The following SGCZ variants were observed in gnomAD, a reference collection of about 807,000 sequenced individuals.
SGCZ encodes the protein zeta-sarcoglycan.
A neutral mutation model predicts 41.3 loss-of-function variants in SGCZ; 40 were observed. The observed-to-expected ratio is 0.97, with a 90% confidence interval of 0.75 to 1.26. The LOEUF (loss-of-function observed/expected upper bound fraction) is 1.26, where lower values mean the gene tolerates loss of function less well. Among genes scored for constraint, SGCZ ranks in the 50% most tolerant of loss-of-function variants. SGCZ has a pLI of 0.00. For synonymous variants in SGCZ, 206 were observed against 137.5 expected, an observed-to-expected ratio of 1.50 and a Z score of -3.49; for missense variants, 552 against 369.8, an observed-to-expected ratio of 1.49 and a Z score of -4.04.
Position 14,807,571 on chromosome 8 carries a change from A to T in SGCZ, c.40-252645T>A, listed in dbSNP as rs563588318. Among the ~76,000 whole-genome samples, 787 of 151,972 alleles carry T rather than the reference A, an allele frequency of 5.2e-3. 7 individuals carry two copies. The highest frequency in any genetic ancestry group is 0.018 in the African/African-American group (764 of 41,462). ...GAGAACTACAAACCACTGCTCAAGG[A>T]AATAAAAGAGGATACAAACAAATGG... On this transcript the variant is annotated intron_variant, in intron 1 of 7. Transcript: ENST00000382080.
At chr8:14,709,688 A>T (rs1221963455) in intron 1 of SGCZ, among the ~76,000 whole-genome samples, 6 of 152,240 alleles carry the variant, frequency 3.9e-5, no homozygotes, top group Non-Finnish European at 8.8e-5. Flanking sequence ...AAAATGAAAA[A>T]AAAAAGACAA....
intron 3 of SGCZ, among the ~76,000 whole-genome samples, chr8:14,293,606 T>A (rs1483162143): frequency 1.3e-5 from 2 of 151,872 alleles, no homozygotes; most frequent in East Asian, 1.9e-4. Context: ...AAATGTAAGC[T>A]CAAAAATTCT....
intron 1 of SGCZ, among the ~76,000 whole-genome samples, chr8:15,172,248 G>A (rs1191749976): frequency 7.7e-6 from 1 of 130,114 alleles, no homozygotes; most frequent in Non-Finnish European, 1.5e-5. Flanking sequence ...TGCAAGCTCC[G>A]CCTCCCGGGT....
At chr8:14,515,553 A>G (rs560896112) in intron 2 of SGCZ, among the ~76,000 whole-genome samples, 1 of 151,214 alleles carries the variant, frequency 6.6e-6, no homozygotes, top group African/African-American at 2.5e-5. Context: ...AATAGATGTA[A>G]TTTGTCTTGT....
chr8:15,142,755 G>A (rs1238982515), intron 1 of SGCZ, among the ~76,000 whole-genome samples: 2 of 151,146 alleles, frequency 1.3e-5, no homozygotes, highest in Non-Finnish European at 2.9e-5. Context: ...GGGCCTACAG[G>A]CACACATCAC....
At chr8:14,544,882 A>G (rs949828899) in intron 2 of SGCZ, among the ~76,000 whole-genome samples, 1 of 152,126 alleles carries the variant, frequency 6.6e-6, no homozygotes, top group Non-Finnish European at 1.5e-5. Flanking sequence ...CCTCAGAAGC[A>G]TGTGATCTTT....
chr8:14,390,902 C>T (rs1032877358), intron 2 of SGCZ, among the ~76,000 whole-genome samples: 1 of 151,942 alleles, frequency 6.6e-6, no homozygotes, highest in African/African-American at 2.4e-5. Context: ...ACTTTGACAC[C>T]ACTCATGAGA....
At chr8:14,119,724 G>C (rs1802639442) in intron 5 of SGCZ, among the ~76,000 whole-genome samples, 1 of 152,214 alleles carries the variant, frequency 6.6e-6, no homozygotes, top group East Asian at 1.9e-4. Context: ...TTATTATTTT[G>C]AGATACATTC....
intron 1 of SGCZ, among the ~76,000 whole-genome samples, chr8:15,185,902 A>G (rs1800316586): frequency 6.6e-6 from 1 of 151,990 alleles, no homozygotes; most frequent in Non-Finnish European, 1.5e-5. Context: ...AGCAAAGTCC[A>G]AAATAATACT....
chr8:14,905,236 A>G (rs187548085), intron 1 of SGCZ, among the ~76,000 whole-genome samples: 484 of 152,202 alleles, frequency 3.2e-3, no homozygotes, highest in Non-Finnish European at 5.9e-3. Context: ...TCAAAAAATA[A>G]TCTGGAATCT....
At chr8:15,095,827 A>C (rs1806327202) in intron 1 of SGCZ, among the ~76,000 whole-genome samples, 1 of 152,124 alleles carries the variant, frequency 6.6e-6, no homozygotes, top group Admixed American at 6.6e-5. Flanking sequence ...TATTCCTATA[A>C]ATTCAACAAG....
At chr8:14,143,487 A>G (rs1407659959) in intron 5 of SGCZ, among the ~76,000 whole-genome samples, 1 of 152,248 alleles carries the variant, frequency 6.6e-6, no homozygotes, top group Admixed American at 6.5e-5. Context: ...GTCAGAGGAT[A>G]TAAGAACACA....
At chr8:15,215,641 T>C (rs1011020456) in intron 1 of SGCZ, among the ~76,000 whole-genome samples, 1 of 152,166 alleles carries the variant, frequency 6.6e-6, no homozygotes, top group African/African-American at 2.4e-5. Context: ...ATACAATCTT[T>C]CCTAGTCCAA....
At chr8:14,243,707 C>T (rs1322119670) in intron 3 of SGCZ, among the ~76,000 whole-genome samples, 1 of 152,122 alleles carries the variant, frequency 6.6e-6, no homozygotes, top group East Asian at 1.9e-4. Flanking sequence ...AAATTCTTAT[C>T]CATGTCTCTT....
chr8:14,763,814 A>C lies in SGCZ; in HGVS notation c.40-208888T>G, dbSNP rs565147170. ...GCAAAGAAGTCTTCAACTATATTGA[A>C]GATATTTTGTATATTATAAGTGAAT... On this transcript the variant is annotated intron_variant, in intron 1 of 7. Coordinates refer to ENST00000382080, the MANE Select transcript of SGCZ (RefSeq NM_139167.4). Among the ~76,000 whole-genome samples the C allele has an allele frequency of 4.9e-4, 74 of 152,352 alleles. 1 individual carries two copies. The highest frequency in any genetic ancestry group is 1.4e-3 in the Admixed American group (21 of 15,306).
intron 1 of SGCZ, among the ~76,000 whole-genome samples, chr8:14,876,225 A>T (rs2130713116): frequency 6.6e-6 from 1 of 152,296 alleles, no homozygotes; most frequent in East Asian, 1.9e-4. Context: ...AAAAATACAT[A>T]GAAAGTAAAC....
intron 2 of SGCZ, among the ~76,000 whole-genome samples, chr8:14,349,902 T>C (rs1803024928): frequency 6.6e-6 from 1 of 152,144 alleles, no homozygotes; most frequent in South Asian, 2.1e-4. Context: ...AGATACAGGA[T>C]AATCAAAAGC....
At chr8:15,054,666 A>G (rs1248952679) in intron 1 of SGCZ, among the ~76,000 whole-genome samples, 3 of 151,994 alleles carry the variant, frequency 2.0e-5, no homozygotes, top group Non-Finnish European at 2.9e-5. Context: ...TTAAGACTCA[A>G]TTTTGTAGCC....
intron 2 of SGCZ, among the ~76,000 whole-genome samples, chr8:14,368,008 T>C (rs1359423564): frequency 6.6e-6 from 1 of 152,114 alleles, no homozygotes; most frequent in Non-Finnish European, 1.5e-5. Flanking sequence ...TTTATATCTA[T>C]TTTAATTTAT....
Sources: allele counts gnomAD v4.1 joint callset (sites outside exome capture counted in the v4.1 genomes callset), GRCh38; gene constraint gnomAD v4.1.1; transcripts MANE v1.5; gene names NCBI Gene and HGNC (gene_info 2026-07-23, HGNC 2026-07-21).